Variants in SULF1 observed in about 807,000 individuals in gnomAD.
The protein encoded by SULF1 is sulfatase 1.
SULF1 carries 46 observed loss-of-function variants against 110.5 expected under a neutral mutation model. That is an observed-to-expected ratio of 0.42 (90% CI 0.33 to 0.53). The LOEUF (loss-of-function observed/expected upper bound fraction) is 0.53. SULF1 is among the 20% of genes least tolerant of loss of function. The pLI is 0.12. For missense variants in SULF1, 941 were observed against 1,094.2 expected (o/e 0.86, Z 1.98); for synonymous variants, 371 against 387.1 (o/e 0.96, Z 0.49).
At chr8:69,652,191 TC>T in intron 22 of SULF1, among the ~76,000 whole-genome samples, 1 of 152,200 alleles carries the variant, frequency 6.6e-6, no homozygotes, top group South Asian at 2.1e-4. Context: ...ACTCTTGAGA[TC>T]CCACTGGCCC....
chr8:69,652,887 T>C (rs1812453270), intron 22 of SULF1, among the ~76,000 whole-genome samples: 1 of 152,236 alleles, frequency 6.6e-6, no homozygotes, highest in African/African-American at 2.4e-5. Flanking sequence ...AGTCTCTCAG[T>C]CTACTCTGGC....
At chr8:69,575,915 A>C (rs1194657262) in intron 5 of SULF1, 55 bp from the exon 6 acceptor site, 2 of 1,587,300 alleles carry the variant, frequency 1.3e-6, no homozygotes, top group East Asian at 4.5e-5. Flanking sequence ...GCACAATCGA[A>C]ATAGGCATTC....
chr8:69,584,210 G>A (rs192173246), intron 6 of SULF1, among the ~76,000 whole-genome samples: 1 of 152,296 alleles, frequency 6.6e-6, no homozygotes, highest in Non-Finnish European at 1.5e-5. Flanking sequence ...CATCCTGGCT[G>A]GGAAAGTCAG....
chr8:69,477,028 ACTT>A, intron 1 of SULF1, among the ~76,000 whole-genome samples: 1 of 152,178 alleles, frequency 6.6e-6, no homozygotes, highest in African/African-American at 2.4e-5. Context: ...ATATTTCCAA[ACTT>A]CTTAATTTTG....
At chr8:69,474,937 A>G (rs2150533799) in intron 1 of SULF1, among the ~76,000 whole-genome samples, 1 of 152,310 alleles carries the variant, frequency 6.6e-6, no homozygotes, top group Non-Finnish European at 1.5e-5. Context: ...CCAAGATGGC[A>G]AAAGACATGG....
At chr8:69,516,142 T>C (rs770848206) in intron 3 of SULF1, among the ~76,000 whole-genome samples, 4 of 152,226 alleles carry the variant, frequency 2.6e-5, no homozygotes, top group South Asian at 2.1e-4. Context: ...ACTTCTCTGA[T>C]ACCAATTTTC....
intron 13 of SULF1, among the ~76,000 whole-genome samples, chr8:69,610,783 A>G (rs1388478015): frequency 6.6e-6 from 1 of 152,224 alleles, no homozygotes; most frequent in Non-Finnish European, 1.5e-5. Context: ...CTTCTTTTCC[A>G]CCATTTCCTA....
In SULF1 at chr8:69,532,250, T is replaced by C. The variant is rs368423369; in HGVS notation, c.-134+30282T>C. Among the ~76,000 whole-genome samples, 90 of 152,356 alleles carry C rather than the reference T, an allele frequency of 5.9e-4. 1 individual carries two copies. The East Asian group carries it at 0.013, about 22-fold the overall frequency. On this transcript the variant is annotated intron_variant, in intron 3 of 22. Transcript: ENST00000402687. ...AAAAATCCTTTTTTGCCTGATGGTC[T>C]TGTAAGGAAACAAGTCATTCTATGT...
At chr8:69,644,530 C>T (rs1051910344) in intron 22 of SULF1, among the ~76,000 whole-genome samples, 1 of 152,094 alleles carries the variant, frequency 6.6e-6, no homozygotes. Context: ...TCTCCCAGAA[C>T]TTTGGGAGGC....
At chr8:69,540,882 G>T (rs72658249) in intron 3 of SULF1, among the ~76,000 whole-genome samples, 12,508 of 152,170 alleles carry the variant, frequency 0.082, 557 homozygotes, top group Middle Eastern at 0.17. Flanking sequence ...TTCATTAAAT[G>T]AAGTCAGTAG....
At chr8:69,503,329 G>A (rs993017875) in intron 3 of SULF1, among the ~76,000 whole-genome samples, 1 of 152,176 alleles carries the variant, frequency 6.6e-6, no homozygotes, top group Non-Finnish European at 1.5e-5. Context: ...CCCCATGGCT[G>A]ATTACAGCAC....
intron 5 of SULF1, among the ~76,000 whole-genome samples, chr8:69,572,573 C>T (rs776493445): frequency 6.6e-6 from 1 of 152,150 alleles, no homozygotes; most frequent in Non-Finnish European, 1.5e-5. Context: ...CAGTCTCTTC[C>T]AGCTCTAGGC....
chr8:69,550,280 G>GA (rs962417464), intron 3 of SULF1, among the ~76,000 whole-genome samples: 32 of 150,210 alleles, frequency 2.1e-4, no homozygotes, highest in Admixed American at 1.3e-3. Flanking sequence ...CATTTAAAAA[G>GA]AAAAAAAAAT....
At chr8:69,586,292 A>G in intron 6 of SULF1, 65 bp from the exon 7 acceptor site, 4 of 1,459,582 alleles carry the variant, frequency 2.7e-6, no homozygotes, top group Non-Finnish European at 3.6e-6. Flanking sequence ...ATAATTTTAT[A>G]CTTATCCATT....
At chr8:69,627,349 A>G (rs766207080) in intron 16 of SULF1, 43 bp downstream of exon 16, 23 of 1,499,610 alleles carry the variant, frequency 1.5e-5, no homozygotes, top group African/African-American at 5.5e-5. Context: ...TCCAAACTCA[A>G]ACTCGGCCTG....
intron 3 of SULF1, among the ~76,000 whole-genome samples, chr8:69,554,688 G>A (rs1160366891): frequency 6.6e-6 from 1 of 151,834 alleles, no homozygotes; most frequent in Non-Finnish European, 1.5e-5. Context: ...AAAAAAGAAA[G>A]AAAGAAATTG....
At chr8:69,568,319 C>T (rs565760671) in intron 5 of SULF1, among the ~76,000 whole-genome samples, 1 of 152,072 alleles carries the variant, frequency 6.6e-6, no homozygotes, top group Non-Finnish European at 1.5e-5. Context: ...AAGATGAAGG[C>T]TGAGAAGGGC....
In SULF1 at chr8:69,658,864, C is replaced by T. The variant is rs148648757; in HGVS notation, c.*329C>T. 1,926 of 534,448 alleles carry T rather than the reference C, an allele frequency of 3.6e-3. 14 individuals are homozygous for T. The highest frequency in any genetic ancestry group is 0.024 in the Middle Eastern group (84 of 3,510). The allele number at this position is 534,448 out of a possible 1,614,324, so 33.1% of individuals were successfully genotyped here. On this transcript the variant is annotated 3_prime_UTR_variant, in exon 23 of 23. Transcript: ENST00000402687. ...TCATTTGACCTTGCCAGCTGACCTT[C>T]AAACCCTGCATTTGAACCGACCAAC...
Position 69,600,684 on chromosome 8 carries a change from G to T in SULF1, c.816G>T (p.Met272Ile). The stretch of plus-strand genomic sequence containing the variant: ...CAGGACCAATGCTGCCCATCCACAT[G>T]GAATTTACAAACATTCTACAGCGCA... The part of the protein sequence containing the change: ...QYTGPMLPIH[M>I]EFTNILQRKR... Residue 272 changes from methionine to isoleucine, a missense_variant, in exon 9 of 23, where the codon ATG becomes ATT. Around this residue, in one of 3 missense-constraint regions of SULF1, gnomAD observed 822 missense variants for 934.3 expected, o/e 0.88. Coordinates refer to ENST00000402687, the MANE Select transcript of SULF1 (RefSeq NM_001128205.2). The T allele has an allele frequency of 6.2e-7, 1 of 1,614,064 alleles. No individual in the cohort carries two copies. Among genetic ancestry groups the T allele is most frequent in the Non-Finnish European group, 8.5e-7 (1 of 1,179,956 alleles).
Sources: gnomAD v4.1 joint callset for allele counts (sites outside exome capture counted in the v4.1 genomes callset) on GRCh38, gnomAD v4.1.1 for gene constraint, gnomAD v4.1.1 regional missense constraint, MANE v1.5 for transcripts, NCBI Gene and HGNC (gene_info 2026-07-23, HGNC 2026-07-21) for gene names.